Variants in PARP15 observed in about 807,000 individuals in gnomAD.
The protein encoded by PARP15 is protein mono-ADP-ribosyltransferase PARP15.
Under a neutral mutation model 62.1 loss-of-function variants are expected in PARP15, and 50 were observed. The observed-to-expected ratio is 0.81, with a 90% CI of 0.64 to 1.02. The LOEUF (loss-of-function observed/expected upper bound fraction) is 1.02, where lower values mean the gene tolerates loss of function less well. PARP15 is among the 50% of genes least tolerant of loss of function. The pLI is 0.00. For synonymous variants in PARP15, 309 were observed against 293.1 expected (o/e 1.05, Z -0.55); for missense variants, 820 against 826.5 (o/e 0.99, Z 0.10).
intron 10 of PARP15, 70 bp from the exon 11 acceptor site, chr3:122,634,950 A>T (rs1318674539): frequency 3.3e-5 from 47 of 1,438,442 alleles, no homozygotes; most frequent in African/African-American, 8.7e-5. Flanking sequence ...CTTATTTTAA[A>T]TCCACAACAA....
chr3:122,609,955 ACTTTCCTT>A (rs1559958498), intron 2 of PARP15, among the ~76,000 whole-genome samples: 2 of 152,186 alleles, frequency 1.3e-5, no homozygotes, highest in African/African-American at 4.8e-5. Context: ...CACCTTAGTG[ACTTTCCTT>A]TGCCAAGGCC....
chr3:122,617,713 T>A (rs901085492), intron 6 of PARP15, among the ~76,000 whole-genome samples: 5 of 152,142 alleles, frequency 3.3e-5, no homozygotes, highest in African/African-American at 4.8e-5. Context: ...AATTTATAAC[T>A]TATACACATA....
intron 9 of PARP15, 132 bp downstream of exon 9, chr3:122,627,165 C>A (rs1182362113): frequency 3.8e-6 from 3 of 787,886 alleles, no homozygotes; most frequent in Non-Finnish European, 5.9e-6. Flanking sequence ...TCTTATGATC[C>A]ATGGGAAAAG....
At chr3:122,578,967 T>A (rs758749351) in intron 1 of PARP15, among the ~76,000 whole-genome samples, 1 of 152,130 alleles carries the variant, frequency 6.6e-6, no homozygotes, top group South Asian at 2.1e-4. Flanking sequence ...TTAAGGAAAA[T>A]TTGCCTCCAA....
chr3:122,577,849 G>GTC lies in PARP15; in HGVS notation c.183_184insCT (p.Met62LeufsTer20). On this transcript the variant is annotated frameshift_variant, in exon 1 of 12. Transcript: ENST00000464300. LOFTEE classifies it high-confidence loss of function. ...GCCTCCCGGCGCTCTTCCTCCCGGAGTATGGTGAGGAGCGCGGGGGACGGG... is the reference window on the plus strand; with the variant it reads ...GCCTCCCGGCGCTCTTCCTCCCGGAGTCTATGGTGAGGAGCGCGGGGGACGGG... The GTC allele has an allele frequency of 6.5e-7, 1 of 1,547,180 alleles. No individual in the cohort carries two copies. The highest frequency in any genetic ancestry group is 8.7e-7 in the Non-Finnish European group (1 of 1,144,332).
At chr3:122,611,531 G>T (rs770712894) in intron 3 of PARP15, among the ~76,000 whole-genome samples, 11 of 151,162 alleles carry the variant, frequency 7.3e-5, no homozygotes, top group Non-Finnish European at 1.5e-4. Context: ...TAGAGACGGG[G>T]TTTCACCATG....
In PARP15 at chr3:122,579,993, CTATATGTATATATATATA is replaced by C. The variant is rs1274283221; in HGVS notation, c.186+2146_186+2163del. On this transcript the variant is annotated intron_variant, in intron 1 of 11. Transcript: ENST00000464300. The stretch of plus-strand genomic sequence containing the variant: ...GACTCTGTCTGAACAACAACAGCAA[CTATATGTATATATATATA>C]TATATATATATATATATATATATAT... 1.3e-4 allele frequency among the ~76,000 whole-genome samples: 9 copies of C among 70,876 alleles called. 1 individual carries two copies. Among genetic ancestry groups the C allele is most frequent in the African/African-American group, 5.2e-4 (9 of 17,156 alleles). The allele number at this position is 70,876 out of a possible 152,430, so 46.5% of individuals were successfully genotyped here.
At chr3:122,616,228 T>A (rs1402385607) in intron 5 of PARP15, among the ~76,000 whole-genome samples, 1 of 152,116 alleles carries the variant, frequency 6.6e-6, no homozygotes, top group Non-Finnish European at 1.5e-5. Flanking sequence ...CTAAAGGGTT[T>A]AAGGGATGAG....
chr3:122,614,781 C>T (rs1935826279), intron 4 of PARP15, among the ~76,000 whole-genome samples: 1 of 152,118 alleles, frequency 6.6e-6, no homozygotes, highest in South Asian at 2.1e-4. Flanking sequence ...ATAATCCCAG[C>T]ACTTTGGGAG....
At position 122,616,997 on chromosome 3, in the gene PARP15, T is replaced by C. The variant is rs773626790; in HGVS notation, c.851-18T>C. On this transcript the variant is annotated intron_variant, in intron 5 of 11. Transcript: ENST00000464300. ...AAGCTGAGCCAGCCCATTCTTTACC[T>C]ATTTTCTTTCTTTTCAGGTGTGGTC... The C allele has an allele frequency of 6.2e-7, 1 of 1,611,740 alleles. No homozygotes were observed. Among genetic ancestry groups the C allele is most frequent in the Admixed American group, 1.7e-5 (1 of 59,776 alleles).
intron 1 of PARP15, among the ~76,000 whole-genome samples, chr3:122,584,202 C>G (rs895524403): frequency 6.6e-6 from 1 of 152,180 alleles, no homozygotes; most frequent in Non-Finnish European, 1.5e-5. Flanking sequence ...GTGTGTTACT[C>G]ATATTTGCCT....
At position 122,636,865 on chromosome 3, in the gene PARP15, C is replaced by T. The variant is rs528822136; in HGVS notation, c.*765C>T. 2.6e-5 allele frequency: 4 copies of T among 152,276 alleles called. No individual in the cohort carries two copies. The highest frequency in any genetic ancestry group is 4.8e-5 in the African/African-American group (2 of 41,536). 9.4% of individuals were successfully genotyped at this position (152,276 alleles called of 1,614,324 possible). ...AGGTGAATCACTCACATACCTGGCA[C>T]GTTTCTGTCAGGTATTGGCAGTCCT... On this transcript the variant is annotated 3_prime_UTR_variant, in exon 12 of 12. Transcript: ENST00000464300.
Position 122,637,702 on chromosome 3 carries a change from CCCTT to C in PARP15, c.*1605_*1608del, listed in dbSNP as rs1325819993. The C allele has an allele frequency of 2.0e-5, 3 of 152,292 alleles. No homozygotes were observed. In the South Asian group the frequency reaches 6.2e-4, roughly 32 times the overall value. The allele number at this position is 152,292 out of a possible 1,614,324, so 9.4% of individuals were successfully genotyped here. On this transcript the variant is annotated 3_prime_UTR_variant, in exon 12 of 12. Coordinates refer to ENST00000464300, the MANE Select transcript of PARP15 (RefSeq NM_001113523.3). ...AAACCACTGCCAATTTCTCATGTCT[CCCTT>C]CCAGTTTCTTCTCTGTCCAAATTCA... is the stretch of plus-strand genomic sequence containing the variant.
At chr3:122,610,920 C>A (rs1172112282) in intron 3 of PARP15, among the ~76,000 whole-genome samples, 190 bp downstream of exon 3, 3 of 152,058 alleles carry the variant, frequency 2.0e-5, no homozygotes, top group African/African-American at 7.3e-5. Flanking sequence ...ACACACCAGC[C>A]CCCACAACAA....
At chr3:122,578,161 GT>G (rs2080724043) in intron 1 of PARP15, among the ~76,000 whole-genome samples, 1 of 148,068 alleles carries the variant, frequency 6.8e-6, no homozygotes, top group South Asian at 2.2e-4. Context: ...TTTATTTTTT[GT>G]TTTTTGAGTT....
At chr3:122,614,071 C>T (rs1180115602) in intron 4 of PARP15, among the ~76,000 whole-genome samples, 4 of 152,112 alleles carry the variant, frequency 2.6e-5, no homozygotes, top group African/African-American at 4.8e-5. Flanking sequence ...GTCCTGACCT[C>T]AGGTGATCCA....
At chr3:122,619,649 GTT>G in intron 6 of PARP15, 130 bp from the exon 7 acceptor site, 1 of 730,724 alleles carries the variant, frequency 1.4e-6, no homozygotes, top group Admixed American at 2.0e-5. Flanking sequence ...AGAAAGAGCA[GTT>G]GGTCGGGCGT....
chr3:122,615,820 CA>C lies in PARP15; in HGVS notation c.815del (p.Asn272ThrfsTer28), dbSNP rs1935926086. The C allele has an allele frequency of 1.2e-6, 2 of 1,613,374 alleles. No individual in the cohort carries two copies. The highest frequency in any genetic ancestry group is 2.7e-5 in the African/African-American group (2 of 74,872). ...EFTNWSRINP[N>X]KARIPMAGDT... Reference sequence around the variant, plus strand: ...TCACTAACTGGTCAAGAATAAATCCCAACAAGGCCAGGATTCCCATGGCAGG... The same window carrying C: ...TCACTAACTGGTCAAGAATAAATCCCACAAGGCCAGGATTCCCATGGCAGG... On this transcript the variant is annotated frameshift_variant, in exon 5 of 12. Transcript: ENST00000464300. LOFTEE classifies it high-confidence loss of function.
At chr3:122,626,477 C>T (rs1389196642) in intron 8 of PARP15, among the ~76,000 whole-genome samples, 6 of 152,094 alleles carry the variant, frequency 3.9e-5, no homozygotes, top group Admixed American at 3.9e-4. Context: ...GAATTACAGG[C>T]GTGAGCCACC....
Sources: allele counts gnomAD v4.1 joint callset (sites outside exome capture counted in the v4.1 genomes callset), GRCh38; gene constraint gnomAD v4.1.1; transcripts MANE v1.5; gene names NCBI Gene and HGNC (gene_info 2026-07-23, HGNC 2026-07-21).